The following ZHX3 variants were observed in gnomAD, a reference collection of about 807,000 sequenced individuals.
The protein encoded by ZHX3 is zinc fingers and homeoboxes 3.
ZHX3 carries 20 observed loss-of-function variants against 64.5 expected under a neutral mutation model. That is an observed-to-expected ratio of 0.31 (90% confidence interval 0.22 to 0.45). ZHX3 has a LOEUF of 0.45. Ranked by LOEUF, ZHX3 falls within the 20% of genes least tolerant of loss-of-function variation. The pLI is 1.00. For missense variants in ZHX3, 1,041 were observed against 1,195.8 expected (o/e 0.87, Z 1.91); for synonymous variants, 423 against 461.6 (o/e 0.92, Z 1.07).
At chr20:41,193,821 C>T (rs760424757) in intron 3 of ZHX3, among the ~76,000 whole-genome samples, 43 of 151,960 alleles carry the variant, frequency 2.8e-4, no homozygotes, top group Admixed American at 5.3e-4. Context: ...ATTCTCCTGC[C>T]TCAGCCCTAA....
intron 2 of ZHX3, among the ~76,000 whole-genome samples, chr20:41,263,198 G>A (rs1051536973): frequency 6.6e-6 from 1 of 151,950 alleles, no homozygotes; most frequent in Admixed American, 6.6e-5. Flanking sequence ...GACAAAATCC[G>A]ACAACATTCT....
In ZHX3 at chr20:41,204,792, G is replaced by T; in HGVS notation, c.125C>A (p.Pro42His). The T allele has an allele frequency of 1.2e-6, 2 of 1,613,694 alleles. No individual in the cohort carries two copies. The highest frequency in any genetic ancestry group is 1.7e-6 in the Non-Finnish European group (2 of 1,179,672). Residue 42 changes from proline (P) to histidine (H), a missense_variant, in exon 3 of 4, where the codon CCC (proline) becomes CAC (histidine). Coordinates refer to ENST00000683867, the MANE Select transcript of ZHX3 (RefSeq NM_001384317.1). The surrounding 1 kb of genome is among the most constrained non-coding windows in gnomAD (Gnocchi z 6.6). ...TLPEGPQQDLPPEASAASSEA... is the reference protein window; with the variant it reads ...TLPEGPQQDLHPEASAASSEA... Reference sequence around the variant, plus strand: ...ACTGCTGGCAGCAGATGCTTCTGGGGGCAGATCCTGCTGGGGTCCTTCAGG... The same window carrying T: ...ACTGCTGGCAGCAGATGCTTCTGGGTGCAGATCCTGCTGGGGTCCTTCAGG...
chr20:41,282,995 G>A (rs546154239), intron 1 of ZHX3, among the ~76,000 whole-genome samples: 149 of 152,122 alleles, frequency 9.8e-4, no homozygotes, highest in Middle Eastern at 3.4e-3. Context: ...TGCAACCTCC[G>A]TCTCCTGGGT....
intron 1 of ZHX3, among the ~76,000 whole-genome samples, chr20:41,293,095 A>G (rs1044797193): frequency 1.3e-5 from 2 of 152,198 alleles, no homozygotes; most frequent in African/African-American, 4.8e-5. Flanking sequence ...TGATGGGTAC[A>G]GCACAGCTAC....
At chr20:41,205,898 T>G (rs1471309031) in intron 2 of ZHX3, among the ~76,000 whole-genome samples, 2 of 152,118 alleles carry the variant, frequency 1.3e-5, no homozygotes, top group African/African-American at 4.8e-5. Context: ...CACCTCCCAG[T>G]AGGGGCCGAC....
intron 3 of ZHX3, among the ~76,000 whole-genome samples, chr20:41,197,999 C>CTTTTTTTTTTTTT (rs11478855): frequency 9.1e-6 from 1 of 110,396 alleles, no homozygotes. Context: ...AACTAGTGCT[C>CTTTTTTTTTTTTT]TTTTTTTTTT....
intron 2 of ZHX3, among the ~76,000 whole-genome samples, chr20:41,225,392 G>A (rs993550920): frequency 5.9e-5 from 9 of 152,212 alleles, no homozygotes; most frequent in Admixed American, 2.0e-4. Flanking sequence ...AACTGTAACA[G>A]CTAGAGGTAC....
chr20:41,298,824 A>C (rs1316694576), intron 1 of ZHX3, among the ~76,000 whole-genome samples: 1 of 152,228 alleles, frequency 6.6e-6, no homozygotes, highest in Non-Finnish European at 1.5e-5. Context: ...GAAAGTGAAG[A>C]AAGCTTCTTC....
rs529109371 is a variant in ZHX3, at chr20:41,303,772, C to T, written c.-245+13737G>A. Among the ~76,000 whole-genome samples, 257 of 152,276 alleles carry T rather than the reference C, an allele frequency of 1.7e-3. 1 individual carries two copies. The highest frequency in any genetic ancestry group is 5.9e-3 in the African/African-American group (246 of 41,556). ...CCTTTCTCCTGGCTCCTCCTTTCCT[C>T]GGCCTCTGAACATGCTAGAGCCCCT... On this transcript the variant is annotated intron_variant, in intron 1 of 3. Coordinates refer to ENST00000683867, the MANE Select transcript of ZHX3 (RefSeq NM_001384317.1).
intron 1 of ZHX3, among the ~76,000 whole-genome samples, chr20:41,276,758 G>A (rs774976242): frequency 1.3e-5 from 2 of 152,190 alleles, no homozygotes; most frequent in Admixed American, 6.5e-5. Context: ...CACAAGCCCT[G>A]CTAGACAGGA....
chr20:41,298,967 CT>C (rs1487497075), intron 1 of ZHX3, among the ~76,000 whole-genome samples: 1 of 152,076 alleles, frequency 6.6e-6, no homozygotes, highest in Non-Finnish European at 1.5e-5. Context: ...GAGGTGTCCC[CT>C]ACGTAAGATG....
At chr20:41,255,566 T>C (rs1259633378) in intron 2 of ZHX3, among the ~76,000 whole-genome samples, 1 of 152,180 alleles carries the variant, frequency 6.6e-6, no homozygotes, top group African/African-American at 2.4e-5. Flanking sequence ...ACTCATCATT[T>C]ATCCACTGCA....
At position 41,195,636 on chromosome 20, in the gene ZHX3, G is replaced by A. The variant is rs989147854; in HGVS notation, c.2860+6421C>T. Among the ~76,000 whole-genome samples the A allele has an allele frequency of 1.1e-4, 16 of 152,048 alleles. No individual in the cohort carries two copies. Among genetic ancestry groups the A allele is most frequent in the African/African-American group, 1.4e-4 (6 of 41,396 alleles). On this transcript the variant is annotated intron_variant, in intron 3 of 3. Transcript: ENST00000683867. The surrounding 1 kb of genome is among the most constrained non-coding windows in gnomAD (Gnocchi z 4.2). ...TCACTATGTTGGCCAGGCTGGTCTC[G>A]AACTCCTGACCTCAGGTGATCCACC...
chr20:41,298,041 G>C lies in ZHX3; in HGVS notation c.-245+19468C>G, dbSNP rs117652034. On this transcript the variant is annotated intron_variant, in intron 1 of 3. Transcript: ENST00000683867. ...CCGCCATGTGCAGAGGGCTCTTCCA[G>C]ATGCCCTGGTGAGTTAAAAAGAGTC... 6.8e-3 allele frequency among the ~76,000 whole-genome samples: 1,038 copies of C among 152,212 alleles called. 4 individuals are homozygous for C. Among genetic ancestry groups the C allele is most frequent in the Non-Finnish European group, 0.011 (770 of 68,026 alleles).
At chr20:41,265,209 T>TC (rs1157086098) in intron 2 of ZHX3, among the ~76,000 whole-genome samples, 1 of 131,818 alleles carries the variant, frequency 7.6e-6, no homozygotes, top group Non-Finnish European at 1.7e-5. Context: ...AAATTTTTTT[T>TC]TTTTTTTTTT....
chr20:41,196,402 T>TTATATAACATAAATATATATTTATATATA (rs2037534630), intron 3 of ZHX3, among the ~76,000 whole-genome samples: 2 of 54,214 alleles, frequency 3.7e-5, no homozygotes, highest in Admixed American at 3.6e-4. Context: ...TTTATATATA[T>TTATATAACATAAATATATATTTATATATA]TATATATTAT....
intron 3 of ZHX3, among the ~76,000 whole-genome samples, chr20:41,187,729 TCA>T (rs2036643939): frequency 6.6e-6 from 1 of 152,248 alleles, no homozygotes; most frequent in African/African-American, 2.4e-5. Flanking sequence ...TTGTTTTTTC[TCA>T]GTTTGTCTAT....
chr20:41,248,858 T>G (rs535071528), intron 2 of ZHX3, among the ~76,000 whole-genome samples: 25 of 152,282 alleles, frequency 1.6e-4, no homozygotes, highest in African/African-American at 6.0e-4. Context: ...ACAAAAAGAT[T>G]TTTCCCCCCT....
chr20:41,287,034 C>T (rs2043970650), intron 1 of ZHX3, among the ~76,000 whole-genome samples: 1 of 152,206 alleles, frequency 6.6e-6, no homozygotes, highest in Non-Finnish European at 1.5e-5. Flanking sequence ...TAATAAATTA[C>T]CCAGTCTCAG....
Sources: allele counts gnomAD v4.1 joint callset (sites outside exome capture counted in the v4.1 genomes callset), GRCh38; gene constraint gnomAD v4.1.1; non-coding constraint Gnocchi (gnomAD v3.1); transcripts MANE v1.5; gene names NCBI Gene and HGNC (gene_info 2026-07-23, HGNC 2026-07-21).